The following CEP112 variants were observed in gnomAD, a reference collection of about 807,000 sequenced individuals.
The protein encoded by CEP112 is centrosomal protein of 112 kDa.
Under a neutral mutation model 153.0 loss-of-function variants are expected in CEP112, and 127 were observed. The observed-to-expected ratio is 0.83, with a 90% CI of 0.72 to 0.96. The LOEUF is 0.96. Ranked by LOEUF, CEP112 falls within the 40% of genes least tolerant of loss-of-function variation. The pLI is 0.00. For missense variants in CEP112, 1,089 were observed against 1,101.2 expected (o/e 0.99, Z 0.16); for synonymous variants, 358 against 374.4 (o/e 0.96, Z 0.51).
intron 16 of CEP112, among the ~76,000 whole-genome samples, chr17:66,015,993 C>A (rs757656927): frequency 2.4e-4 from 37 of 152,094 alleles, no homozygotes; most frequent in Non-Finnish European, 4.9e-4. Context: ...TGATTTAATT[C>A]TTTACAAAAT....
chr17:65,963,781 G>T (rs548164977), intron 17 of CEP112, among the ~76,000 whole-genome samples: 6 of 152,034 alleles, frequency 3.9e-5, no homozygotes, highest in Non-Finnish European at 7.4e-5. Flanking sequence ...TTGACAGGCT[G>T]AAAGAGCATA....
intron 24 of CEP112, among the ~76,000 whole-genome samples, chr17:65,679,876 A>G (rs7215131): frequency 0.023 from 3,513 of 152,334 alleles, 113 homozygotes; most frequent in African/African-American, 0.08. Flanking sequence ...TTGTAACGGT[A>G]TAACAGGCGG....
At chr17:65,743,036 G>A in intron 23 of CEP112, 32 bp downstream of exon 23, 1 of 1,561,414 alleles carries the variant, frequency 6.4e-7, no homozygotes. Flanking sequence ...TAAAGCAGCT[G>A]GTACCACTGG....
intron 23 of CEP112, among the ~76,000 whole-genome samples, chr17:65,719,563 T>C (rs1321801776): frequency 6.6e-6 from 1 of 151,960 alleles, no homozygotes; most frequent in East Asian, 1.9e-4. Flanking sequence ...GCCTGGGTGT[T>C]AGAGTGAGAC....
chr17:65,674,621 A>G (rs1454156496), intron 24 of CEP112, among the ~76,000 whole-genome samples: 1 of 152,220 alleles, frequency 6.6e-6, no homozygotes, highest in Non-Finnish European at 1.5e-5. Flanking sequence ...TTGGAAATAA[A>G]CCAGCTCTCT....
chr17:65,980,698 T>G (rs1321200972), intron 17 of CEP112, among the ~76,000 whole-genome samples: 1 of 152,196 alleles, frequency 6.6e-6, no homozygotes, highest in Non-Finnish European at 1.5e-5. Context: ...CATTGACCAT[T>G]TGGGGGAATT....
chr17:66,106,475 T>A (rs571467825), intron 6 of CEP112, among the ~76,000 whole-genome samples: 17 of 151,914 alleles, frequency 1.1e-4, no homozygotes, highest in Non-Finnish European at 2.2e-4. Flanking sequence ...ACAACTGATA[T>A]GGCAGAAATC....
chr17:65,680,869 A>G (rs1312530937), intron 24 of CEP112, among the ~76,000 whole-genome samples: 2 of 152,178 alleles, frequency 1.3e-5, no homozygotes, highest in African/African-American at 4.8e-5. Flanking sequence ...AAAGGGGAAG[A>G]GCCTCTTATA....
chr17:65,836,252 C>T (rs769525182), intron 21 of CEP112, among the ~76,000 whole-genome samples: 1 of 152,088 alleles, frequency 6.6e-6, no homozygotes, highest in Non-Finnish European at 1.5e-5. Flanking sequence ...AATCAGAACA[C>T]AAGTAAGAAA....
chr17:65,833,486 A>G (rs1356476712), intron 21 of CEP112, among the ~76,000 whole-genome samples: 1 of 152,176 alleles, frequency 6.6e-6, no homozygotes, highest in Non-Finnish European at 1.5e-5. Context: ...CCTTCAGCTG[A>G]TAAAAAACTT....
At chr17:66,020,052 T>C (rs1230203816) in intron 16 of CEP112, among the ~76,000 whole-genome samples, 1 of 152,188 alleles carries the variant, frequency 6.6e-6, no homozygotes, top group African/African-American at 2.4e-5. Context: ...TGCATCCCTT[T>C]CTCCTCACTA....
rs375548825 is a variant in CEP112 at position 66,129,812 on chromosome 17, C to T, written c.576G>A (p.Ser192=). ...CATCCAAAGAAACAGGAGATTTTTT[C>T]GAATAAACTTCCTGAAATACAAAAG... ...NITPKICEVY[S]KKSPVSLDDS... Residue 192 remains serine, a synonymous_variant, in exon 6 of 27, where the codon TCG becomes TCA. Coordinates refer to ENST00000535342, the MANE Select transcript of CEP112 (RefSeq NM_001199165.4). 9.1e-5 allele frequency: 146 copies of T among 1,604,820 alleles called. No individual in the cohort carries two copies. The Middle Eastern group carries it at 1.2e-3, about 13-fold the overall frequency.
At chr17:65,937,514 T>C (rs1226133504) in intron 18 of CEP112, among the ~76,000 whole-genome samples, 2 of 137,658 alleles carry the variant, frequency 1.5e-5, no homozygotes, top group Non-Finnish European at 1.6e-5. Flanking sequence ...CCGCCCCGTC[T>C]GAGAAGTGAG....
At chr17:65,811,598 C>T (rs953258886) in intron 21 of CEP112, among the ~76,000 whole-genome samples, 1 of 152,118 alleles carries the variant, frequency 6.6e-6, no homozygotes, top group African/African-American at 2.4e-5. Flanking sequence ...ATGGGCTAAT[C>T]CATCCAACAT....
chr17:65,985,373 A>G (rs1190560538), intron 17 of CEP112, among the ~76,000 whole-genome samples: 3 of 152,202 alleles, frequency 2.0e-5, no homozygotes, highest in Non-Finnish European at 4.4e-5. Flanking sequence ...AAAGAAGAAC[A>G]TTAATGAAAC....
At chr17:65,976,309 A>C (rs1158738970) in intron 17 of CEP112, among the ~76,000 whole-genome samples, 4 of 152,158 alleles carry the variant, frequency 2.6e-5, no homozygotes, top group Non-Finnish European at 5.9e-5. Flanking sequence ...TATCTTCCTG[A>C]ATGTGTTCTA....
Position 65,751,132 on chromosome 17 carries a change from T to C in CEP112, c.2395-408A>G, listed in dbSNP as rs73338879. On this transcript the variant is annotated intron_variant, in intron 21 of 26. Coordinates refer to ENST00000535342, the MANE Select transcript of CEP112 (RefSeq NM_001199165.4). Reference sequence around the variant, plus strand: ...TACTTTTTCACCTTAATTAAAAAAATAAAAGGAATAGATGCTTCTGGACAA... The same window carrying C: ...TACTTTTTCACCTTAATTAAAAAAACAAAAGGAATAGATGCTTCTGGACAA... 7.0e-3 allele frequency: 1,146 copies of C among 162,894 alleles called. 15 individuals carry two copies. Among genetic ancestry groups the C allele is most frequent in the African/African-American group, 0.026 (1,078 of 41,380 alleles). 10.1% of individuals were successfully genotyped at this position (162,894 alleles called of 1,614,324 possible). A position where few individuals can be genotyped will look rare whatever the true frequency, so the allele number is the denominator to read the frequency against.
chr17:65,751,843 C>T (rs956125449), intron 21 of CEP112, among the ~76,000 whole-genome samples: 2 of 152,262 alleles, frequency 1.3e-5, no homozygotes, highest in African/African-American at 4.8e-5. Flanking sequence ...ACTTGCCCAG[C>T]ATCACACAGC....
chr17:66,040,333 T>C (rs1430525991), intron 12 of CEP112, among the ~76,000 whole-genome samples: 2 of 152,190 alleles, frequency 1.3e-5, no homozygotes, highest in Non-Finnish European at 2.9e-5. Context: ...ATTAATCATC[T>C]GAATAGCTTC....
Sources: gnomAD v4.1 joint callset for allele counts (sites outside exome capture counted in the v4.1 genomes callset) on GRCh38, gnomAD v4.1.1 for gene constraint, MANE v1.5 for transcripts, NCBI Gene and HGNC (gene_info 2026-07-23, HGNC 2026-07-21) for gene names.